The following HUWE1 variants were observed in gnomAD, a reference collection of about 807,000 sequenced individuals.
The protein encoded by HUWE1 is E3 ubiquitin-protein ligase HUWE1.
A neutral mutation model predicts 299.4 loss-of-function variants in HUWE1; 18 were observed. That is an observed-to-expected ratio of 0.06 (90% CI 0.04 to 0.09). The LOEUF (loss-of-function observed/expected upper bound fraction) is 0.09. HUWE1 is among the 10% of genes least tolerant of loss of function. The pLI, the probability that HUWE1 is intolerant of heterozygous loss-of-function variation, is 1.00. For missense variants in HUWE1, 1,832 were observed against 3,462.3 expected, an observed-to-expected ratio of 0.53 and a Z score of 11.82; for synonymous variants, 1,317 against 1,286.1, an observed-to-expected ratio of 1.02 and a Z score of -0.51.
intron 37 of HUWE1, among the ~76,000 whole-genome samples, chrX:53,587,915 G>A (rs1215121301): frequency 9.0e-6 from 1 of 111,677 alleles, no homozygotes; most frequent in Non-Finnish European, 1.9e-5. Context: ...AATAGGCAAG[G>A]AAAAGAGAGA....
chrX:53,661,378 G>A (rs2068998539), intron 3 of HUWE1, among the ~76,000 whole-genome samples: 1 of 111,526 alleles, frequency 9.0e-6, no homozygotes, highest in Non-Finnish European at 1.9e-5. Context: ...AATATTGGCA[G>A]ATAAGAATAA....
intron 73 of HUWE1, 71 bp downstream of exon 73, chrX:53,543,770 C>G (rs2061444267): frequency 8.3e-7 from 1 of 1,202,269 alleles, no homozygotes; most frequent in African/African-American, 1.7e-5. Context: ...GGCAATGAAA[C>G]CCCACTGATG....
chrX:53,582,792 G>A (rs1310270253), intron 42 of HUWE1, among the ~76,000 whole-genome samples: 1 of 108,035 alleles, frequency 9.3e-6, no homozygotes, highest in African/African-American at 3.4e-5. Context: ...ACAGAGTCTC[G>A]CTCTGTCACC....
At chrX:53,552,270 C>T (rs1272030652) in intron 63 of HUWE1, 41 bp downstream of exon 63, 4 of 1,206,390 alleles carry the variant, frequency 3.3e-6, no homozygotes, top group Admixed American at 4.4e-5. Context: ...TACTAGAAGC[C>T]AAAACAATCC....
Position 53,630,652 on chromosome X carries a change from G to T in HUWE1, c.862+283C>A, listed in dbSNP as rs190113362. Among the ~76,000 whole-genome samples, 218 of 107,068 alleles carry T rather than the reference G, an allele frequency of 2.0e-3. 1 individual carries two copies. Among genetic ancestry groups the T allele is most frequent in the African/African-American group, 7.2e-3 (211 of 29,366 alleles). The allele number at this position is 107,068 out of a possible 115,157, so 93.0% of individuals were successfully genotyped here. A position where few individuals can be genotyped will look rare whatever the true frequency, so the allele number is the denominator to read the frequency against. On this transcript the variant is annotated intron_variant, in intron 12 of 83. Coordinates refer to ENST00000262854, the MANE Select transcript of HUWE1 (RefSeq NM_031407.7). ...GAGAAAGAGTAGGGGGACAGTGAAC[G>T]ATAGCTACAAGCATATCTATTAAAA...
intron 67 of HUWE1, 47 bp downstream of exon 67, chrX:53,548,912 G>A: frequency 9.1e-7 from 1 of 1,095,843 alleles, no homozygotes. Context: ...CCAGGCTCTT[G>A]CTGCCACCCT....
At chrX:53,563,875 G>C in intron 51 of HUWE1, 54 bp from the exon 52 acceptor site, 1 of 1,149,039 alleles carries the variant, frequency 8.7e-7, no homozygotes, top group Admixed American at 2.3e-5. Flanking sequence ...CATTGTGCTA[G>C]CACCGAAACC....
chrX:53,550,516 GATCTGGCTCTCTCACTTAT>G (rs1252671001), intron 66 of HUWE1, 131 bp downstream of exon 66: 1 of 552,249 alleles, frequency 1.8e-6, no homozygotes, highest in Non-Finnish European at 3.1e-6. Flanking sequence ...GGAGTCCAAA[GATCTGGCTCTCTCACTTAT>G]TCAAGGAAAT....
intron 5 of HUWE1, 25 bp from the exon 6 acceptor site, chrX:53,647,599 TG>T (rs782129350): frequency 9.0e-7 from 1 of 1,114,607 alleles, no homozygotes; most frequent in Non-Finnish European, 1.2e-6. Flanking sequence ...AAAAAGAGGA[TG>T]TAAGAATAAG....
At position 53,558,779 on chromosome X, in the gene HUWE1, T is replaced by C; in HGVS notation, c.8036A>G (p.Glu2679Gly). 8.3e-7 allele frequency: 1 copy of C among 1,211,674 alleles called. No individual in the cohort carries two copies. Among genetic ancestry groups the C allele is most frequent in the Non-Finnish European group, 1.1e-6 (1 of 895,429 alleles). The change falls in exon 59 of 84, where the codon GAA (glutamate) becomes GGA (glycine). Residue 2679 changes from glutamate to glycine, a missense_variant. Glu to Gly is a moderately conservative substitution (Grantham distance 98). Transcript: ENST00000262854. The part of the protein sequence containing the change: ...VVKVSIVNHL[E>G]FLRDEELEER... ...TTCCAGCTCCTCATCCCTCAGGAAT[T>C]CCAGGTGATTGACAATGGACACTTT...
At chrX:53,626,425 T>TTAA (rs2066510531) in intron 17 of HUWE1, among the ~76,000 whole-genome samples, 1 of 111,289 alleles carries the variant, frequency 9.0e-6, no homozygotes, top group African/African-American at 3.3e-5. Context: ...CATGAAAAGA[T>TTAA]TAATACTCAA....
intron 55 of HUWE1, among the ~76,000 whole-genome samples, chrX:53,560,822 T>C (rs1384521374): frequency 8.0e-5 from 9 of 111,960 alleles, no homozygotes; most frequent in Admixed American, 7.6e-4. Context: ...TTTACCTCTG[T>C]GCTCTCTTAC....
At chrX:53,549,717 G>T (rs2061687279) in intron 66 of HUWE1, among the ~76,000 whole-genome samples, 1 of 110,017 alleles carries the variant, frequency 9.1e-6, no homozygotes, top group South Asian at 4.0e-4. Context: ...ATCCTTTCAG[G>T]GCTGCTGTAC....
chrX:53,682,711 G>A (rs2070236222), intron 2 of HUWE1, among the ~76,000 whole-genome samples: 1 of 111,208 alleles, frequency 9.0e-6, no homozygotes, highest in African/African-American at 3.3e-5. Context: ...GTGCTCAGCA[G>A]CAAAAATAGA....
At chrX:53,558,043 C>T (rs1227780905) in intron 59 of HUWE1, among the ~76,000 whole-genome samples, 1 of 111,790 alleles carries the variant, frequency 8.9e-6, no homozygotes, top group East Asian at 2.8e-4. Context: ...TCAAGTGATA[C>T]ACTGTAATGT....
rs1556914243 is a variant in HUWE1, at chrX:53,537,595, T to A, written c.12098A>T (p.Glu4033Val). The A allele has an allele frequency of 8.3e-7, 1 of 1,210,155 alleles. No homozygotes were observed. The highest frequency in any genetic ancestry group is 1.1e-6 in the Non-Finnish European group (1 of 894,468). ...TTCTTCGGGGGATTTGCGATGCAGC[T>A]CACGATAGGAGTCTTCAAACACATG... The part of the protein sequence containing the change: ...RDHVFEDSYR[E>V]LHRKSPEEMK... Residue 4033 changes from glutamate (E) to valine (V), a missense_variant, in exon 78 of 84, where the codon GAG (glutamate) becomes GTG (valine). Coordinates refer to ENST00000262854, the MANE Select transcript of HUWE1 (RefSeq NM_031407.7).
rs782217822 is a variant in HUWE1, at chrX:53,622,498, G to GT, written c.1672+2096dup. Reference sequence around the variant, plus strand: ...TCTGGGCCTCATCAGAATCTTTGGTGTAACGGGCACAAGTTTAGGTATTTC... The same window carrying GT: ...TCTGGGCCTCATCAGAATCTTTGGTGTTAACGGGCACAAGTTTAGGTATTTC... On this transcript the variant is annotated intron_variant, in intron 19 of 83. Transcript: ENST00000262854. Among the ~76,000 whole-genome samples, 64 of 111,604 alleles carry GT rather than the reference G, an allele frequency of 5.7e-4. 1 individual carries two copies. The South Asian group carries it at 0.022, about 38-fold the overall frequency.
At chrX:53,548,478 G>A (rs2061638126) in intron 67 of HUWE1, among the ~76,000 whole-genome samples, 2 of 112,744 alleles carry the variant, frequency 1.8e-5, no homozygotes, top group East Asian at 5.5e-4. Flanking sequence ...ACAGACTCAC[G>A]AGCAAACTTT....
intron 43 of HUWE1, among the ~76,000 whole-genome samples, chrX:53,578,748 C>T (rs2063379761): frequency 1.5e-5 from 1 of 67,838 alleles, no homozygotes; most frequent in Admixed American, 1.4e-4. Flanking sequence ...CCGGCCGCCC[C>T]TACTGGGAAG....
Sources: allele counts gnomAD v4.1 joint callset (sites outside exome capture counted in the v4.1 genomes callset), GRCh38; gene constraint gnomAD v4.1.1; transcripts MANE v1.5; gene names NCBI Gene and HGNC (gene_info 2026-07-23, HGNC 2026-07-21).